Variants in KCNH7 observed in about 807,000 individuals in gnomAD.
The protein encoded by KCNH7 is potassium voltage-gated channel subfamily H member 7.
A neutral mutation model predicts 120.8 loss-of-function variants in KCNH7; 49 were observed. That is an observed-to-expected ratio of 0.41 (90% confidence interval 0.32 to 0.51). KCNH7 has a LOEUF of 0.51. Among genes scored for constraint, KCNH7 ranks in the 20% least tolerant of loss-of-function variants. The pLI, the probability that KCNH7 is intolerant of heterozygous loss-of-function variation, is 0.38. For synonymous variants in KCNH7, 547 were observed against 516.1 expected, an observed-to-expected ratio of 1.06 and a Z score of -0.81; for missense variants, 1,097 against 1,446.6, an observed-to-expected ratio of 0.76 and a Z score of 3.92.
At chr2:162,735,212 T>A (rs1180540152) in intron 2 of KCNH7, among the ~76,000 whole-genome samples, 1 of 152,194 alleles carries the variant, frequency 6.6e-6, no homozygotes, top group East Asian at 1.9e-4. Flanking sequence ...GAAGCTGAAT[T>A]TGTTTTTGGT....
At chr2:162,488,771 A>T (rs1311656753) in intron 6 of KCNH7, among the ~76,000 whole-genome samples, 1 of 152,154 alleles carries the variant, frequency 6.6e-6, no homozygotes, top group Non-Finnish European at 1.5e-5. Flanking sequence ...TCAAACTTAT[A>T]CTGTTGCCAG....
intron 2 of KCNH7, among the ~76,000 whole-genome samples, chr2:162,667,311 A>G (rs1409301056): frequency 6.6e-6 from 1 of 152,044 alleles, no homozygotes; most frequent in East Asian, 1.9e-4. Context: ...GTGAGCCACC[A>G]TGCCCGGACT....
intron 2 of KCNH7, among the ~76,000 whole-genome samples, chr2:162,605,100 T>G (rs1682692474): frequency 1.3e-5 from 2 of 152,064 alleles, no homozygotes; most frequent in East Asian, 3.9e-4. Flanking sequence ...TTCTCCCCAC[T>G]GGAAAACAGA....
chr2:162,581,602 T>A (rs1693868220), intron 2 of KCNH7, among the ~76,000 whole-genome samples: 1 of 23,460 alleles, frequency 4.3e-5, no homozygotes, highest in Non-Finnish European at 6.2e-5. Flanking sequence ...TCTTTTAAGA[T>A]TTTTTTTAAA....
intron 7 of KCNH7, among the ~76,000 whole-genome samples, chr2:162,445,713 C>T (rs887592249): frequency 4.6e-5 from 7 of 152,058 alleles, no homozygotes; most frequent in African/African-American, 1.7e-4. Flanking sequence ...GTTTTACACC[C>T]GTGAAGTTAA....
In KCNH7 at chr2:162,423,335, C is replaced by T. The variant is rs747165309; in HGVS notation, c.2154+1G>A. 1 of 1,614,012 alleles carries T rather than the reference C, an allele frequency of 6.2e-7. No homozygotes were observed. ...TCATTTTGGAAAACAGACATACATA[C>T]CATGTTCATGTCAATGCCATTGGTG... On this transcript the variant is annotated splice_donor_variant, in intron 9 of 15. Transcript: ENST00000332142. LOFTEE classifies it high-confidence loss of function.
intron 2 of KCNH7, among the ~76,000 whole-genome samples, chr2:162,775,688 ACCT>A (rs1683209564): frequency 6.6e-6 from 1 of 152,212 alleles, no homozygotes; most frequent in Admixed American, 6.5e-5. Flanking sequence ...AAACTCTTTG[ACCT>A]CCTTGATGTC....
At chr2:162,684,900 T>G (rs1685832414) in intron 2 of KCNH7, among the ~76,000 whole-genome samples, 1 of 152,090 alleles carries the variant, frequency 6.6e-6, no homozygotes, top group Non-Finnish European at 1.5e-5. Context: ...CATGCACACG[T>G]ATGTTAACTG....
At position 162,401,573 on chromosome 2, in the gene KCNH7, G is replaced by GA. The variant is rs1175677432; in HGVS notation, c.2155-1133dup. Among the ~76,000 whole-genome samples the GA allele has an allele frequency of 2.6e-5, 4 of 151,814 alleles. No homozygotes were observed. In the Middle Eastern group the frequency reaches 0.01, roughly 387 times the overall value. ...AGGAACTTCAAATTAAATCATATGA[G>GA]AAAAAAACATACAATTATTACTATT... On this transcript the variant is annotated intron_variant, in intron 9 of 15. Coordinates refer to ENST00000332142, the MANE Select transcript of KCNH7 (RefSeq NM_033272.4).
intron 14 of KCNH7, among the ~76,000 whole-genome samples, chr2:162,375,913 A>C (rs1027320944): frequency 1.3e-5 from 2 of 149,820 alleles, no homozygotes; most frequent in Non-Finnish European, 3.0e-5. Flanking sequence ...AAAAAAAAAG[A>C]AAAAAAAGAG....
chr2:162,396,919 C>T lies in KCNH7; in HGVS notation c.2434G>A (p.Val812Ile). The change falls in exon 11 of 16, where the codon GTT becomes ATT. Residue 812 changes from valine to isoleucine, a missense_variant. Val to Ile is a conservative substitution (Grantham distance 29). Transcript: ENST00000332142. ...LGKNDIFGEM[V>I]HLYAKPGKSN... ...TTTCCAGGTTTGGCATAAAGATGAACCATTTCTCCAAATATATCATTTTTT... is the reference window on the plus strand; with the variant it reads ...TTTCCAGGTTTGGCATAAAGATGAATCATTTCTCCAAATATATCATTTTTT... 3 of 1,609,214 alleles carry T rather than the reference C, an allele frequency of 1.9e-6. No homozygotes were observed. The highest frequency in any genetic ancestry group is 2.5e-6 in the Non-Finnish European group (3 of 1,176,808).
intron 10 of KCNH7, among the ~76,000 whole-genome samples, chr2:162,398,218 T>C (rs1351199381): frequency 1.3e-5 from 2 of 151,994 alleles, no homozygotes; most frequent in African/African-American, 4.8e-5. Context: ...GGGTATATTA[T>C]TTTAGATTTT....
At chr2:162,372,347 A>T (rs896002655) in intron 15 of KCNH7, among the ~76,000 whole-genome samples, 4 of 152,108 alleles carry the variant, frequency 2.6e-5, no homozygotes, top group African/African-American at 7.2e-5. Flanking sequence ...GATTTAAAAA[A>T]ATATATATTA....
intron 7 of KCNH7, among the ~76,000 whole-genome samples, chr2:162,439,580 A>G (rs904045234): frequency 3.9e-5 from 6 of 152,122 alleles, no homozygotes; most frequent in African/African-American, 1.4e-4. Context: ...TGTCACAGTA[A>G]AGTCAGTCTC....
intron 2 of KCNH7, among the ~76,000 whole-genome samples, chr2:162,622,016 T>C (rs1683380907): frequency 1.3e-5 from 2 of 152,218 alleles, no homozygotes. Context: ...ATTTCTCTCT[T>C]GATATATAGT....
intron 2 of KCNH7, among the ~76,000 whole-genome samples, chr2:162,733,352 TTGTTTC>T (rs773745660): frequency 6.6e-6 from 1 of 152,228 alleles, no homozygotes; most frequent in Non-Finnish European, 1.5e-5. Context: ...TATTGCAGGA[TTGTTTC>T]TGCCCAACTC....
At chr2:162,682,246 T>C (rs980901368) in intron 2 of KCNH7, among the ~76,000 whole-genome samples, 1 of 151,788 alleles carries the variant, frequency 6.6e-6, no homozygotes, top group Non-Finnish European at 1.5e-5. Flanking sequence ...TGCCAGGTAC[T>C]GTTCTCCAAA....
intron 5 of KCNH7, among the ~76,000 whole-genome samples, chr2:162,508,711 C>A (rs1348375755): frequency 6.6e-6 from 1 of 151,326 alleles, no homozygotes; most frequent in African/African-American, 2.4e-5. Context: ...AATAAAGGAC[C>A]AGAATGCAGG....
At chr2:162,521,903 C>T (rs1023049744) in intron 3 of KCNH7, among the ~76,000 whole-genome samples, 4 of 151,816 alleles carry the variant, frequency 2.6e-5, no homozygotes, top group African/African-American at 9.7e-5. Flanking sequence ...TTATCCCCCA[C>T]CCCGTACCCT....
Sources: allele counts gnomAD v4.1 joint callset (sites outside exome capture counted in the v4.1 genomes callset), GRCh38; gene constraint gnomAD v4.1.1; transcripts MANE v1.5; gene names NCBI Gene and HGNC (gene_info 2026-07-23, HGNC 2026-07-21).